TMEM200A: variants seen among roughly 807,000 people sequenced by gnomAD.
TMEM200A encodes the protein transmembrane protein 200A.
A neutral mutation model predicts 24.3 loss-of-function variants in TMEM200A; 12 were observed. The observed-to-expected ratio is 0.49, with a 90% CI of 0.32 to 0.80. TMEM200A has a LOEUF of 0.80. Among genes scored for constraint, TMEM200A ranks in the 30% least tolerant of loss-of-function variants. TMEM200A has a pLI of 0.04. For missense variants in TMEM200A, 545 were observed against 614.4 expected (o/e 0.89, Z 1.19); for synonymous variants, 224 against 224.4 (o/e 1.00, Z 0.02).
chr6:130,371,027 G>T (rs1778310176), intron 1 of TMEM200A, among the ~76,000 whole-genome samples: 7 of 152,202 alleles, frequency 4.6e-5, no homozygotes, highest in Admixed American at 4.6e-4. Flanking sequence ...TTTCCAATTA[G>T]AGTAATGGCA....
At chr6:130,373,144 C>T (rs1312004017) in intron 1 of TMEM200A, among the ~76,000 whole-genome samples, 3 of 152,182 alleles carry the variant, frequency 2.0e-5, no homozygotes, top group African/African-American at 7.2e-5. Flanking sequence ...AGTACTGTCT[C>T]TAAGCTGAGG....
At chr6:130,369,556 C>A (rs1562546524) in intron 1 of TMEM200A, among the ~76,000 whole-genome samples, 1 of 152,116 alleles carries the variant, frequency 6.6e-6, no homozygotes, top group South Asian at 2.1e-4. Flanking sequence ...TGTTCTGTGC[C>A]CACTCCTCCT....
chr6:130,376,059 A>G (rs189833367), intron 1 of TMEM200A, among the ~76,000 whole-genome samples: 1 of 152,200 alleles, frequency 6.6e-6, no homozygotes, highest in East Asian at 1.9e-4. Flanking sequence ...TATAGAGCTT[A>G]GTAAGTCCAC....
rs144643368 is a variant in TMEM200A at position 130,400,358 on chromosome 6, T to C, written c.-17+15122T>C. Among the ~76,000 whole-genome samples, 632 of 152,174 alleles carry C rather than the reference T, an allele frequency of 4.2e-3. 7 individuals are homozygous for C. Among genetic ancestry groups the C allele is most frequent in the African/African-American group, 0.014 (588 of 41,536 alleles). Reference sequence around the variant, plus strand: ...CCATAGTGGCTGTACTAGTTTACATTCCCACCAGCAGTGTAGAATTGTTCC... The same window carrying C: ...CCATAGTGGCTGTACTAGTTTACATCCCCACCAGCAGTGTAGAATTGTTCC... On this transcript the variant is annotated intron_variant, in intron 2 of 2. Transcript: ENST00000296978.
At position 130,366,135 on chromosome 6, in the gene TMEM200A, C is replaced by T. The variant is rs1778136338; in HGVS notation, c.-470C>T. 4.1e-6 allele frequency: 4 copies of T among 985,392 alleles called. No individual in the cohort carries two copies. The highest frequency in any genetic ancestry group is 4.8e-6 in the Non-Finnish European group (4 of 829,922). 61.0% of individuals were successfully genotyped at this position (985,392 alleles called of 1,614,324 possible). ...CTCTCCCCTGCCCGGCTTGCTGCGC[C>T]CGGTGCCCTCCGAGGGCAGGCGCGC... On this transcript the variant is annotated 5_prime_UTR_variant, in exon 1 of 3. Transcript: ENST00000296978. This position sits in a 1 kb window ranked among gnomAD's most constrained non-coding sequence, Gnocchi z 4.4.
intron 2 of TMEM200A, among the ~76,000 whole-genome samples, chr6:130,436,344 AAGAG>A (rs1780009025): frequency 6.6e-6 from 1 of 152,050 alleles, no homozygotes; most frequent in Non-Finnish European, 1.5e-5. Flanking sequence ...TAAAACTTAG[AAGAG>A]TATGGCTTGT....
intron 2 of TMEM200A, chr6:130,439,185 A>G (rs552588703): frequency 3.4e-4 from 52 of 152,350 alleles, no homozygotes; most frequent in Non-Finnish European, 6.6e-4. Context: ...TTCAGAGATG[A>G]TTGATTAATC....
rs1045959326 is a variant in TMEM200A, at chr6:130,404,358, A to G, written c.-17+19122A>G. 6.6e-5 allele frequency among the ~76,000 whole-genome samples: 10 copies of G among 152,066 alleles called. No homozygotes were observed. In the East Asian group the frequency reaches 1.9e-3, roughly 29 times the overall value. The stretch of plus-strand genomic sequence containing the variant: ...GCATCTGTTATTTTTTGACTTTTTA[A>G]TGATAGCCATTCTGACTAGTGTGAG... On this transcript the variant is annotated intron_variant, in intron 2 of 2. Transcript: ENST00000296978.
chr6:130,395,008 C>T (rs1343286453), intron 2 of TMEM200A, among the ~76,000 whole-genome samples: 1 of 152,184 alleles, frequency 6.6e-6, no homozygotes, highest in African/African-American at 2.4e-5. Flanking sequence ...GATAGAGCCT[C>T]CATCGGTATC....
At chr6:130,426,560 A>T (rs1340912637) in intron 2 of TMEM200A, among the ~76,000 whole-genome samples, 1 of 150,416 alleles carries the variant, frequency 6.6e-6, no homozygotes, top group Non-Finnish European at 1.5e-5. Context: ...AAGTCGCAGG[A>T]TATTCTCAGA....
At chr6:130,389,326 C>T (rs1432424358) in intron 2 of TMEM200A, among the ~76,000 whole-genome samples, 2 of 152,172 alleles carry the variant, frequency 1.3e-5, no homozygotes, top group Non-Finnish European at 2.9e-5. Context: ...GGCACTCCCT[C>T]CTGTAGTGCA....
At chr6:130,425,757 A>C (rs1779719769) in intron 2 of TMEM200A, among the ~76,000 whole-genome samples, 1 of 152,180 alleles carries the variant, frequency 6.6e-6, no homozygotes, top group Non-Finnish European at 1.5e-5. Flanking sequence ...ACTACTTTTC[A>C]GGGTTGTTAT....
chr6:130,395,815 G>A lies in TMEM200A; in HGVS notation c.-17+10579G>A, dbSNP rs193192304. Among the ~76,000 whole-genome samples, 10 of 152,234 alleles carry A rather than the reference G, an allele frequency of 6.6e-5. No individual in the cohort carries two copies. The East Asian group carries it at 9.7e-4, about 15-fold the overall frequency. On this transcript the variant is annotated intron_variant, in intron 2 of 2. Coordinates refer to ENST00000296978, the MANE Select transcript of TMEM200A (RefSeq NM_001258277.2). ...TCGTTGAATTTAAAGCAAGTGTTAC[G>A]CTTAACAGCAGTTTAAAATACTGAA...
At chr6:130,377,400 C>T (rs1462481602) in intron 1 of TMEM200A, among the ~76,000 whole-genome samples, 2 of 152,182 alleles carry the variant, frequency 1.3e-5, no homozygotes, top group African/African-American at 2.4e-5. Context: ...AGATACCATC[C>T]TAGGGATTCC....
chr6:130,421,133 T>G (rs968608920), intron 2 of TMEM200A: 1 of 152,300 alleles, frequency 6.6e-6, no homozygotes, highest in East Asian at 1.9e-4. Flanking sequence ...GGCATCAGAA[T>G]CACCTGGAGG....
chr6:130,390,596 T>A (rs1212405665), intron 2 of TMEM200A, among the ~76,000 whole-genome samples: 1 of 152,234 alleles, frequency 6.6e-6, no homozygotes, highest in Non-Finnish European at 1.5e-5. Flanking sequence ...CTGTCTTTTT[T>A]ATGACTATTT....
chr6:130,425,363 C>T (rs1779705922), intron 2 of TMEM200A, among the ~76,000 whole-genome samples: 1 of 152,122 alleles, frequency 6.6e-6, no homozygotes, highest in Admixed American at 6.6e-5. Context: ...TTATACTAAA[C>T]TAGAAATTTG....
intron 1 of TMEM200A, among the ~76,000 whole-genome samples, chr6:130,369,778 C>T (rs1308338698): frequency 2.6e-5 from 4 of 152,128 alleles, no homozygotes; most frequent in Non-Finnish European, 5.9e-5. Context: ...GGTGAAATTC[C>T]ACAGAAGGCA....
intron 2 of TMEM200A, among the ~76,000 whole-genome samples, chr6:130,412,595 C>A (rs989472631): frequency 6.6e-6 from 1 of 152,152 alleles, no homozygotes; most frequent in African/African-American, 2.4e-5. Flanking sequence ...GACTTGAATA[C>A]CCCACTAGGG....
Sources: allele counts gnomAD v4.1 joint callset (sites outside exome capture counted in the v4.1 genomes callset), GRCh38; gene constraint gnomAD v4.1.1; non-coding constraint Gnocchi (gnomAD v3.1); transcripts MANE v1.5; gene names NCBI Gene and HGNC (gene_info 2026-07-23, HGNC 2026-07-21).